Variants in ISOC2 observed in about 807,000 individuals in gnomAD.
ISOC2 encodes the protein isochorismatase domain containing 2.
A neutral mutation model predicts 19.3 loss-of-function variants in ISOC2; 15 were observed. That is an observed-to-expected ratio of 0.78 (90% CI 0.52 to 1.20). The LOEUF is 1.20. Among genes scored for constraint, ISOC2 ranks in the 50% most tolerant of loss-of-function variants. The probability of loss-of-function intolerance (pLI) is 0.00; values close to 1 mark genes in which losing one functional copy is unlikely to be tolerated. For synonymous variants in ISOC2, 106 were observed against 115.8 expected (o/e 0.92, Z 0.54); for missense variants, 285 against 272.4 (o/e 1.05, Z -0.33).
chr19:55,454,675 T>A (rs945065366), intron 5 of ISOC2: 1 of 389,028 alleles, frequency 2.6e-6, no homozygotes, highest in African/African-American at 2.1e-5. Context: ...GTCCGCCTGG[T>A]CACTCCCTCC....
rs1473075149 is a variant in ISOC2, at chr19:55,455,678, G to A, written c.306C>T (p.Arg102=). The part of the protein sequence containing the change: ...QQELDSRPQL[R]SVLLCGIEAQ... Reference sequence around the variant, plus strand: ...CCTCAATGCCACAGAGCAGCACAGAGCGCAGCTGGGGCCGACTGTCCAGCT... The same window carrying A: ...CCTCAATGCCACAGAGCAGCACAGAACGCAGCTGGGGCCGACTGTCCAGCT... The change falls in exon 3 of 6, where the codon CGC becomes CGT. Residue 102 remains arginine (R), a synonymous_variant. Coordinates refer to ENST00000425675, the MANE Select transcript of ISOC2 (RefSeq NM_001136201.2). The A allele has an allele frequency of 1.2e-6, 2 of 1,610,926 alleles. No homozygotes were observed. Among genetic ancestry groups the A allele is most frequent in the South Asian group, 1.1e-5 (1 of 90,676 alleles).
In ISOC2 at chr19:55,453,002, T is replaced by G. The variant is rs927463247; in HGVS notation, c.*306A>C. On this transcript the variant is annotated 3_prime_UTR_variant, in exon 6 of 6. Transcript: ENST00000425675. ...GTTTGGTCCACAGCCACATATATGTTTATTCTGCGAGTCCGTGTCCCACAG... is the reference window on the plus strand; with the variant it reads ...GTTTGGTCCACAGCCACATATATGTGTATTCTGCGAGTCCGTGTCCCACAG... The G allele has an allele frequency of 1.8e-5, 5 of 271,686 alleles. No individual in the cohort carries two copies. The highest frequency in any genetic ancestry group is 3.5e-5 in the Non-Finnish European group (5 of 143,942). 16.8% of individuals were successfully genotyped at this position (271,686 alleles called of 1,614,324 possible).
At chr19:55,456,263 G>T (rs1189891286) in intron 2 of ISOC2, 86 bp downstream of exon 2, 1 of 621,142 alleles carries the variant, frequency 1.6e-6, no homozygotes, top group Non-Finnish European at 2.9e-6. Context: ...GGGTCTGAGG[G>T]TGGAGGGCTG....
intron 1 of ISOC2, among the ~76,000 whole-genome samples, chr19:55,460,358 A>T (rs959293258): frequency 2.0e-5 from 3 of 152,234 alleles, no homozygotes; most frequent in Non-Finnish European, 4.4e-5. Context: ...GCCTATATCT[A>T]TATCTGCTAT....
chr19:55,455,861 G>A lies in ISOC2; in HGVS notation c.139-16C>T. 6.5e-7 allele frequency: 1 copy of A among 1,533,752 alleles called. No homozygotes were observed. The highest frequency in any genetic ancestry group is 8.8e-7 in the Non-Finnish European group (1 of 1,135,166). On this transcript the variant is annotated splice_polypyrimidine_tract_variant and intron_variant, in intron 2 of 5. Transcript: ENST00000425675. ...GCCGGGCCACCTGTGCCAGTGATGG[G>A]GAAGAAAGGTCAGGGTCTGAGGGAG...
At position 55,455,100 on chromosome 19, in the gene ISOC2, C is replaced by T. The variant is rs763188193; in HGVS notation, c.426G>A (p.Val142=). 2 of 1,588,662 alleles carry T rather than the reference C, an allele frequency of 1.3e-6. No individual in the cohort carries two copies. Among genetic ancestry groups the T allele is most frequent in the South Asian group, 1.1e-5 (1 of 90,324 alleles). The change falls in exon 5 of 6, where the codon GTG becomes GTA. Residue 142 remains valine (V), a synonymous_variant. Transcript: ENST00000425675. ...VVDACSSRSQ[V]DRLVALARMR... is the part of the protein sequence containing the mutation. ...TGCGGGCCAGAGCCACCAGCCGGTC[C>T]ACCTGGCTGTGAGTGGGAGGGAGGG...
At position 55,455,112 on chromosome 19, in the gene ISOC2, A is replaced by AGGGG. The variant is rs1466820196; in HGVS notation, c.420-7_420-6insCCCC. ...CCACCAGCCGGTCCACCTGGCTGTG[A>AGGGG]GTGGGAGGGAGGGAGGGAAGGTTGG... On this transcript the variant is annotated splice_polypyrimidine_tract_variant and splice_region_variant and intron_variant, in intron 4 of 5. Transcript: ENST00000425675. 3.2e-6 allele frequency: 2 copies of AGGGG among 615,576 alleles called. No individual in the cohort carries two copies. Among genetic ancestry groups the AGGGG allele is most frequent in the African/African-American group, 2.2e-5 (1 of 46,438 alleles). 38.1% of individuals were successfully genotyped at this position (615,576 alleles called of 1,614,324 possible). A position where few individuals can be genotyped will look rare whatever the true frequency, so the allele number is the denominator to read the frequency against.
At chr19:55,454,832 T>C in intron 5 of ISOC2, 157 bp downstream of exon 5, 1 of 666,806 alleles carries the variant, frequency 1.5e-6, no homozygotes. Flanking sequence ...GCTCCTTTCA[T>C]GGATTTATGG....
chr19:55,455,096 G>A lies in ISOC2; in HGVS notation c.430C>T (p.Arg144Trp), dbSNP rs1440973662. 11 of 1,607,596 alleles carry A rather than the reference G, an allele frequency of 6.8e-6. No homozygotes were observed. Among genetic ancestry groups the A allele is most frequent in the Admixed American group, 3.3e-5 (2 of 59,754 alleles). The change falls in exon 5 of 6, where the codon CGG becomes TGG. Residue 144 changes from arginine to tryptophan, a missense_variant. Coordinates refer to ENST00000425675, the MANE Select transcript of ISOC2 (RefSeq NM_001136201.2). ...DACSSRSQVDRLVALARMRQS... is the reference protein window; with the variant it reads ...DACSSRSQVDWLVALARMRQS... ...CTCATGCGGGCCAGAGCCACCAGCC[G>A]GTCCACCTGGCTGTGAGTGGGAGGG...
chr19:55,456,378 T>A lies in ISOC2; in HGVS notation c.109A>T (p.Ile37Phe). 1 of 1,613,778 alleles carries A rather than the reference T, an allele frequency of 6.2e-7. No homozygotes were observed. The highest frequency in any genetic ancestry group is 8.5e-7 in the Non-Finnish European group (1 of 1,179,858). ...AGCATGCGGGCAGCCACTGAGACGA[T>A]CTGTGGGAAGTAGGCGATGTTGTGG... is the stretch of plus-strand genomic sequence containing the variant. ...FRHNIAYFPQ[I>F]VSVAARMLKV... Residue 37 changes from isoleucine (I) to phenylalanine (F), a missense_variant, in exon 2 of 6, where the codon ATC becomes TTC. Ile to Phe is a conservative substitution (Grantham distance 21, BLOSUM62 0). Coordinates refer to ENST00000425675, the MANE Select transcript of ISOC2 (RefSeq NM_001136201.2).
At chr19:55,456,135 AGGG>A in intron 2 of ISOC2, 2 of 559,460 alleles carry the variant, frequency 3.6e-6, no homozygotes, top group African/African-American at 4.1e-5. Flanking sequence ...CTGAGGGTGG[AGGG>A]CTGAGCCTGG....
Position 55,456,373 on chromosome 19 carries a change from G to C in ISOC2, c.114C>G (p.Val38=), listed in dbSNP as rs1321757015. 5 of 1,613,968 alleles carry C rather than the reference G, an allele frequency of 3.1e-6. No individual in the cohort carries two copies. Among genetic ancestry groups the C allele is most frequent in the Non-Finnish European group, 8.5e-7 (1 of 1,179,896 alleles). Reference sequence around the variant, plus strand: ...CCTTGAGCATGCGGGCAGCCACTGAGACGATCTGTGGGAAGTAGGCGATGT... The same window carrying C: ...CCTTGAGCATGCGGGCAGCCACTGACACGATCTGTGGGAAGTAGGCGATGT... ...RHNIAYFPQI[V]SVAARMLKVA... is the part of the protein sequence containing the mutation. The change falls in exon 2 of 6, where the codon GTC becomes GTG. Residue 38 remains valine, a synonymous_variant. Coordinates refer to ENST00000425675, the MANE Select transcript of ISOC2 (RefSeq NM_001136201.2).
At chr19:55,459,178 C>T (rs1351850671) in intron 1 of ISOC2, among the ~76,000 whole-genome samples, 2 of 152,106 alleles carry the variant, frequency 1.3e-5, no homozygotes, top group African/African-American at 4.8e-5. Flanking sequence ...TTCAAGCGAA[C>T]CTCCCGCCTC....
rs891847651 is a variant in ISOC2 at position 55,453,177 on chromosome 19, C to CT, written c.*130dup. On this transcript the variant is annotated 3_prime_UTR_variant, in exon 6 of 6. Transcript: ENST00000425675. ...AGCTGTCCAATGGGAAGGCAGCACC[C>CT]TGCCCCCCCCACAAGGGGGCGGCAC... 9.3e-6 allele frequency: 5 copies of CT among 540,388 alleles called. No homozygotes were observed. The African/African-American group carries it at 1.1e-4, about 11-fold the overall frequency. The allele number at this position is 540,388 out of a possible 1,614,324, so 33.5% of individuals were successfully genotyped here.
In ISOC2 at chr19:55,455,676, G is replaced by A. The variant is rs372768676; in HGVS notation, c.308C>T (p.Ser103Phe). Reference protein sequence around the residue: ...QELDSRPQLRSVLLCGIEAQA... With the variant: ...QELDSRPQLRFVLLCGIEAQA... ...TGCCTCAATGCCACAGAGCAGCACA[G>A]AGCGCAGCTGGGGCCGACTGTCCAG... The change falls in exon 3 of 6, where the codon TCT becomes TTT. Residue 103 changes from serine (S) to phenylalanine (F), a missense_variant. Ser to Phe is a radical substitution (Grantham distance 155). Coordinates refer to ENST00000425675, the MANE Select transcript of ISOC2 (RefSeq NM_001136201.2). 2.1e-5 allele frequency: 34 copies of A among 1,610,746 alleles called. No homozygotes were observed. In the Admixed American group the frequency reaches 5.7e-4, roughly 27 times the overall value.
rs1342317478 is a variant in ISOC2, at chr19:55,455,013, A to T, written c.513T>A (p.Asp171Glu). ...SEGLILQLVG[D>E]AVHPQFKEIQ... ...CCTCCTTGAACTGGGGGTGGACGGC[A>T]TCGCCCACAAGCTGCAGAATGAGCC... The change falls in exon 5 of 6, where the codon GAT (aspartate) becomes GAA (glutamate). Residue 171 changes from aspartate (D) to glutamate (E), a missense_variant. Coordinates refer to ENST00000425675, the MANE Select transcript of ISOC2 (RefSeq NM_001136201.2). 1 of 1,613,316 alleles carries T rather than the reference A, an allele frequency of 6.2e-7. No homozygotes were observed. Among genetic ancestry groups the T allele is most frequent in the African/African-American group, 1.3e-5 (1 of 75,004 alleles).
In ISOC2 at chr19:55,455,725, T is replaced by C. The variant is rs147467798; in HGVS notation, c.259A>G (p.Met87Val). Residue 87 changes from methionine (M) to valine (V), a missense_variant, in exon 3 of 6, where the codon ATG becomes GTG. Coordinates refer to ENST00000425675, the MANE Select transcript of ISOC2 (RefSeq NM_001136201.2). ...AGCTCCTGCTGCAGGGCAGGCACCA[T>C]GCTGAAGCAGGTCTTGGCCAGCGGC... is the stretch of plus-strand genomic sequence containing the variant. ...LRPLAKTCFS[M>V]VPALQQELDS... 142 of 1,610,264 alleles carry C rather than the reference T, an allele frequency of 8.8e-5. No homozygotes were observed. Among genetic ancestry groups the C allele is most frequent in the Non-Finnish European group, 1.1e-4 (133 of 1,178,976 alleles).
chr19:55,459,326 T>C (rs1457654850), intron 1 of ISOC2, among the ~76,000 whole-genome samples: 5 of 152,184 alleles, frequency 3.3e-5, no homozygotes, highest in Admixed American at 3.3e-4. Context: ...ATGGTTAAAA[T>C]GGTCAATTTT....
intron 5 of ISOC2, chr19:55,453,691 A>G (rs1401474100): frequency 1.4e-5 from 3 of 214,376 alleles, no homozygotes; most frequent in Non-Finnish European, 2.7e-5. Context: ...CATTTCTCCC[A>G]TCCCTCTTCT....
Sources: allele counts gnomAD v4.1 joint callset (sites outside exome capture counted in the v4.1 genomes callset), GRCh38; gene constraint gnomAD v4.1.1; transcripts MANE v1.5; gene names NCBI Gene and HGNC (gene_info 2026-07-23, HGNC 2026-07-21).